Variants in TMEM114 observed in about 807,000 individuals in gnomAD.
TMEM114 encodes the protein claudin-26.
A neutral mutation model predicts 6.2 loss-of-function variants in TMEM114; 6 were observed. The observed-to-expected ratio is 0.97, with a 90% CI of 0.53 to 1.91. The LOEUF is 1.91. Ranked by LOEUF, TMEM114 falls within the 40% of genes most tolerant of loss-of-function variation. TMEM114 has a pLI of 0.01. For missense variants in TMEM114, 218 were observed against 158.3 expected, an observed-to-expected ratio of 1.38 and a Z score of -2.02; for synonymous variants, 104 against 73.0, an observed-to-expected ratio of 1.42 and a Z score of -2.16.
chr16:8,553,029 G>C (rs890899198), intron 2 of TMEM114, among the ~76,000 whole-genome samples: 1 of 152,232 alleles, frequency 6.6e-6, no homozygotes, highest in South Asian at 2.1e-4. Context: ...TAATCCAGCC[G>C]AGGTTCTTGC....
chr16:8,540,206 A>T (rs1681055056), intron 2 of TMEM114, among the ~76,000 whole-genome samples: 1 of 152,088 alleles, frequency 6.6e-6, no homozygotes, highest in Admixed American at 6.6e-5. Flanking sequence ...AATTGCTATA[A>T]ATATATATAT....
chr16:8,530,898 G>A, the TMEM114 span, among the ~76,000 whole-genome samples: 12 of 152,018 alleles, frequency 7.9e-5, no homozygotes, highest in African/African-American at 1.7e-4. Context: ...GGTGGCATAC[G>A]CATATAATCC....
At chr16:8,532,688 G>A (rs1296582031), downstream of TMEM114, among the ~76,000 whole-genome samples, 1 of 152,178 alleles carries the variant, frequency 6.6e-6, no homozygotes, top group Admixed American at 6.5e-5. Flanking sequence ...ACTTTGGGAG[G>A]CCGAGGCGGG....
At chr16:8,567,649 C>T (rs150177860), downstream of TMEM114, among the ~76,000 whole-genome samples, 7 of 152,306 alleles carry the variant, frequency 4.6e-5, no homozygotes, top group African/African-American at 1.7e-4. Context: ...CCAAAACTGT[C>T]TCCAAACACT....
chr16:8,553,195 G>A (rs531987316), intron 2 of TMEM114, among the ~76,000 whole-genome samples: 3 of 152,298 alleles, frequency 2.0e-5, no homozygotes, highest in Non-Finnish European at 2.9e-5. Flanking sequence ...CTGGCCCTGG[G>A]GCATCAGCTC....
At chr16:8,585,929 T>G (rs184866185) in intron 2 of TMEM114, among the ~76,000 whole-genome samples, 180 of 152,258 alleles carry the variant, frequency 1.2e-3, no homozygotes, top group African/African-American at 4.0e-3. Flanking sequence ...GTGGTGAAAC[T>G]GCGGGTTAGC....
intron 2 of TMEM114, among the ~76,000 whole-genome samples, chr16:8,574,207 C>G (rs955026836): frequency 6.6e-6 from 1 of 152,140 alleles, no homozygotes; most frequent in Non-Finnish European, 1.5e-5. Flanking sequence ...TACTCAGAAC[C>G]TCCATTTCCA....
At chr16:8,565,533 C>T (rs567834866), downstream of TMEM114, among the ~76,000 whole-genome samples, 1 of 152,268 alleles carries the variant, frequency 6.6e-6, no homozygotes, top group East Asian at 1.9e-4. Flanking sequence ...CTTCCTCCTC[C>T]TGTTTACCTT....
At chr16:8,544,034 A>G (rs947378021) in intron 2 of TMEM114, among the ~76,000 whole-genome samples, 20 of 152,340 alleles carry the variant, frequency 1.3e-4, no homozygotes, top group African/African-American at 4.6e-4. Context: ...GCTAAATGCC[A>G]TGATAAATAA....
chr16:8,546,293 T>C (rs1330468533), intron 2 of TMEM114, among the ~76,000 whole-genome samples: 1 of 152,200 alleles, frequency 6.6e-6, no homozygotes, highest in Non-Finnish European at 1.5e-5. Flanking sequence ...ACACATATAA[T>C]TTGCATTCCT....
downstream of TMEM114, among the ~76,000 whole-genome samples, chr16:8,568,788 A>G (rs1303710077): frequency 6.6e-6 from 1 of 152,230 alleles, no homozygotes; most frequent in Non-Finnish European, 1.5e-5. Context: ...AGAGCTCTTA[A>G]AAAACACTGA....
intron 2 of TMEM114, among the ~76,000 whole-genome samples, chr16:8,556,758 C>T (rs1567199572): frequency 6.6e-6 from 1 of 152,212 alleles, no homozygotes; most frequent in Non-Finnish European, 1.5e-5. Context: ...CCGCCTCAGC[C>T]TCCCAAAGTG....
chr16:8,545,258 C>G (rs1297894541), intron 2 of TMEM114, among the ~76,000 whole-genome samples: 1 of 152,086 alleles, frequency 6.6e-6, no homozygotes, highest in East Asian at 1.9e-4. Context: ...GGCAACATAG[C>G]AAGAGCCCTT....
intron 2 of TMEM114, among the ~76,000 whole-genome samples, chr16:8,550,922 A>G (rs891762944): frequency 6.6e-6 from 1 of 152,114 alleles, no homozygotes; most frequent in Non-Finnish European, 1.5e-5. Flanking sequence ...TGAGCAAAAC[A>G]TTCCTGGGCA....
chr16:8,538,881 T>C (rs1259149937), intron 2 of TMEM114, among the ~76,000 whole-genome samples: 1 of 152,216 alleles, frequency 6.6e-6, no homozygotes, highest in African/African-American at 2.4e-5. Context: ...TTGAATACAG[T>C]AGATAAATTT....
At chr16:8,541,784 G>A (rs1207207733) in intron 2 of TMEM114, among the ~76,000 whole-genome samples, 3 of 152,188 alleles carry the variant, frequency 2.0e-5, no homozygotes, top group African/African-American at 4.8e-5. Context: ...GTCTGTGTAT[G>A]GGGTTACTTG....
intron 2 of TMEM114, among the ~76,000 whole-genome samples, chr16:8,586,157 A>C (rs949443530): frequency 1.3e-5 from 2 of 152,142 alleles, no homozygotes; most frequent in African/African-American, 2.4e-5. Context: ...TGATGTTACT[A>C]CCTCTAGAAG....
downstream of TMEM114, among the ~76,000 whole-genome samples, chr16:8,566,160 G>C (rs1901536475): frequency 6.6e-6 from 1 of 152,158 alleles, no homozygotes; most frequent in Admixed American, 6.5e-5. Flanking sequence ...CATGAGCTCA[G>C]GAGATCGAGA....
At chr16:8,553,756 C>G (rs533438641) in intron 2 of TMEM114, among the ~76,000 whole-genome samples, 3 of 152,136 alleles carry the variant, frequency 2.0e-5, no homozygotes, top group African/African-American at 7.2e-5. Context: ...GCTGGGATTA[C>G]AGGCGTGAGC....
Sources: gnomAD v4.1 joint callset for allele counts (sites outside exome capture counted in the v4.1 genomes callset) on GRCh38, gnomAD v4.1.1 for gene constraint, MANE v1.5 for transcripts, NCBI Gene and HGNC (gene_info 2026-07-23, HGNC 2026-07-21) for gene names.